The following DYNC2H1 variants were observed in gnomAD, a reference collection of about 807,000 sequenced individuals.
The protein encoded by DYNC2H1 is cytoplasmic dynein 2 heavy chain 1.
In DYNC2H1, 410 loss-of-function variants were observed where a neutral mutation model predicts 570.0. That is an observed-to-expected ratio of 0.72 (90% CI 0.66 to 0.78). The LOEUF is 0.78. DYNC2H1 is among the 30% of genes least tolerant of loss of function. The probability of loss-of-function intolerance (pLI) is 0.00; values close to 1 mark genes in which losing one functional copy is unlikely to be tolerated. For missense variants in DYNC2H1, 4,865 were observed against 5,046.4 expected, an observed-to-expected ratio of 0.96 and a Z score of 1.09; for synonymous variants, 1,688 against 1,677.6, an observed-to-expected ratio of 1.01 and a Z score of -0.15.
chr11:103,358,754 A>G (rs1940485792), intron 83 of DYNC2H1, among the ~76,000 whole-genome samples: 1 of 152,090 alleles, frequency 6.6e-6, no homozygotes, highest in Non-Finnish European at 1.5e-5. Context: ...TTCCCAATTC[A>G]TGCAGTTCTT....
At position 103,176,244 on chromosome 11, in the gene DYNC2H1, G is replaced by A; in HGVS notation, c.5684G>A (p.Ser1895Asn). The A allele has an allele frequency of 6.7e-7, 1 of 1,491,124 alleles. No individual in the cohort carries two copies. Among genetic ancestry groups the A allele is most frequent in the Non-Finnish European group, 8.9e-7 (1 of 1,125,642 alleles). 92.4% of individuals were successfully genotyped at this position (1,491,124 alleles called of 1,614,324 possible). A position where few individuals can be genotyped will look rare whatever the true frequency, so the allele number is the denominator to read the frequency against. Residue 1895 changes from serine (S) to asparagine (N), a missense_variant, in exon 37 of 89, where the codon AGT becomes AAT. Physicochemically the swap from Ser to Asn is conservative, Grantham distance 46. Transcript: ENST00000375735. ...TGAAACTTTTTTCTAGCTAATGAAA[G>A]TCATATTGTGGTACAAGCACTGAGG... ...KSGTTQNANE[S>N]HIVVQALRLN...
At chr11:103,332,827 C>A (rs1386000241) in intron 82 of DYNC2H1, among the ~76,000 whole-genome samples, 1 of 152,012 alleles carries the variant, frequency 6.6e-6, no homozygotes, top group Non-Finnish European at 1.5e-5. Flanking sequence ...CATGGTGAAA[C>A]CCTGTTTCTA....
chr11:103,364,621 G>C (rs2078242018), intron 83 of DYNC2H1, among the ~76,000 whole-genome samples: 1 of 149,468 alleles, frequency 6.7e-6, no homozygotes, highest in African/African-American at 2.5e-5. Context: ...TTTTAAGCAG[G>C]TAGTCAACCT....
chr11:103,321,070 GA>G lies in DYNC2H1; in HGVS notation c.11771del (p.Asn3924MetfsTer8). ...VQWEFVHGLL[E>X]NAIYGGRIDN... ...ATGGGAATTTGTACATGGTTTACTT[GA>G]AAATGCTATTTATGGAGGACGTATA... On this transcript the variant is annotated frameshift_variant, in exon 81 of 89. Coordinates refer to ENST00000375735, the MANE Select transcript of DYNC2H1 (RefSeq NM_001377.3). LOFTEE classifies it high-confidence loss of function. 6.2e-7 allele frequency: 1 copy of G among 1,612,530 alleles called. No individual in the cohort carries two copies. The highest frequency in any genetic ancestry group is 8.5e-7 in the Non-Finnish European group (1 of 1,179,288).
chr11:103,471,662 T>C (rs1945392489), intron 88 of DYNC2H1, among the ~76,000 whole-genome samples: 1 of 152,240 alleles, frequency 6.6e-6, no homozygotes, highest in Non-Finnish European at 1.5e-5. Context: ...TATGGTACTT[T>C]TTAGTTTACC....
At chr11:103,459,048 G>T (rs1043651910) in intron 87 of DYNC2H1, among the ~76,000 whole-genome samples, 2 of 151,634 alleles carry the variant, frequency 1.3e-5, no homozygotes, top group Non-Finnish European at 2.9e-5. Context: ...GGTGGCTCAC[G>T]CCTGTAATCC....
At chr11:103,135,237 T>C (rs1859476491) in intron 15 of DYNC2H1, among the ~76,000 whole-genome samples, 1 of 152,098 alleles carries the variant, frequency 6.6e-6, no homozygotes, top group Non-Finnish European at 1.5e-5. Context: ...AATATGAAAG[T>C]CATTTAATAT....
chr11:103,212,004 T>C, intron 54 of DYNC2H1, 61 bp downstream of exon 54: 2 of 1,348,698 alleles, frequency 1.5e-6, no homozygotes, highest in Non-Finnish European at 1.9e-6. Flanking sequence ...GTTTTGTAAA[T>C]CACAATGCTA....
At chr11:103,411,005 C>A (rs1028715089) in intron 84 of DYNC2H1, among the ~76,000 whole-genome samples, 20 of 152,070 alleles carry the variant, frequency 1.3e-4, no homozygotes, top group Admixed American at 7.9e-4. Context: ...GCATTTTTCA[C>A]TGGGGTGGGG....
intron 22 of DYNC2H1, among the ~76,000 whole-genome samples, chr11:103,153,826 C>A (rs1482269116): frequency 6.6e-6 from 1 of 151,720 alleles, no homozygotes; most frequent in African/African-American, 2.4e-5. Context: ...AGAAAAATTA[C>A]TTTTAGTGCC....
chr11:103,202,764 A>G (rs1361852445), intron 50 of DYNC2H1, among the ~76,000 whole-genome samples: 1 of 152,160 alleles, frequency 6.6e-6, no homozygotes, highest in East Asian at 1.9e-4. Flanking sequence ...TGAATTGTAA[A>G]CATATTGGCT....
intron 10 of DYNC2H1, among the ~76,000 whole-genome samples, chr11:103,121,825 T>C (rs1858725670): frequency 6.6e-6 from 1 of 152,064 alleles, no homozygotes. Flanking sequence ...GTGCTGCACA[T>C]CTGTAGTCCC....
At chr11:103,359,552 C>T (rs1017912283) in intron 83 of DYNC2H1, among the ~76,000 whole-genome samples, 1 of 151,868 alleles carries the variant, frequency 6.6e-6, no homozygotes, top group Non-Finnish European at 1.5e-5. Flanking sequence ...GAAGACTATA[C>T]GAATGACTTC....
chr11:103,382,296 G>A (rs760478158), intron 83 of DYNC2H1, among the ~76,000 whole-genome samples: 11 of 152,136 alleles, frequency 7.2e-5, no homozygotes, highest in Non-Finnish European at 1.3e-4. Context: ...ATAGGTGATA[G>A]ACTTTTTTTC....
At chr11:103,467,620 C>A (rs536289643) in intron 87 of DYNC2H1, among the ~76,000 whole-genome samples, 14 of 152,314 alleles carry the variant, frequency 9.2e-5, no homozygotes, top group African/African-American at 3.4e-4. Flanking sequence ...TCACTGCAAG[C>A]TCCGCTTCCC....
At chr11:103,383,891 A>G (rs771272593) in intron 83 of DYNC2H1, among the ~76,000 whole-genome samples, 2 of 152,118 alleles carry the variant, frequency 1.3e-5, no homozygotes, top group Non-Finnish European at 2.9e-5. Flanking sequence ...AATATTTTCT[A>G]AATTTCATTG....
rs1402597850 is a variant in DYNC2H1 at position 103,201,498 on chromosome 11, C to T, written c.8197+1344C>T. ...GAATCACTAGGATAATTAAAAACAA[C>T]AACAACAACAACAACTAAAAACGAA... On this transcript the variant is annotated intron_variant, in intron 50 of 88. Coordinates refer to ENST00000375735, the MANE Select transcript of DYNC2H1 (RefSeq NM_001377.3). This position sits in a 1 kb window ranked among gnomAD's most constrained non-coding sequence, Gnocchi z 4.8. Among the ~76,000 whole-genome samples the T allele has an allele frequency of 6.6e-6, 1 of 152,094 alleles. No individual in the cohort carries two copies. Among genetic ancestry groups the T allele is most frequent in the Non-Finnish European group, 1.5e-5 (1 of 67,988 alleles).
At chr11:103,377,559 C>T (rs1004357055) in intron 83 of DYNC2H1, among the ~76,000 whole-genome samples, 3 of 151,768 alleles carry the variant, frequency 2.0e-5, no homozygotes, top group Non-Finnish European at 4.4e-5. Context: ...GGAAAACTAA[C>T]CATTTAGTTA....
chr11:103,398,256 A>G (rs181492315), intron 83 of DYNC2H1, among the ~76,000 whole-genome samples: 3 of 152,288 alleles, frequency 2.0e-5, no homozygotes, highest in African/African-American at 7.2e-5. Flanking sequence ...TATTTATTGC[A>G]TGCTCTGACA....
Sources: gnomAD v4.1 joint callset for allele counts (sites outside exome capture counted in the v4.1 genomes callset) on GRCh38, gnomAD v4.1.1 for gene constraint, Gnocchi (gnomAD v3.1) non-coding constraint, MANE v1.5 for transcripts, NCBI Gene and HGNC (gene_info 2026-07-23, HGNC 2026-07-21) for gene names.